NCK1: variants seen among roughly 807,000 people sequenced by gnomAD.
The protein encoded by NCK1 is SH2/SH3 adapter protein NCK1.
NCK1 carries 19 observed loss-of-function variants against 36.6 expected under a neutral mutation model. The observed-to-expected ratio is 0.52, with a 90% CI of 0.36 to 0.76. The LOEUF (loss-of-function observed/expected upper bound fraction) is 0.76. Ranked by LOEUF, NCK1 falls within the 30% of genes least tolerant of loss-of-function variation. The pLI is 0.00. For missense variants in NCK1, 358 were observed against 445.6 expected (o/e 0.80, Z 1.77); for synonymous variants, 165 against 156.0 (o/e 1.06, Z -0.43).
At chr3:136,881,374 T>A (rs1052467593) in intron 1 of NCK1, among the ~76,000 whole-genome samples, 1 of 151,944 alleles carries the variant, frequency 6.6e-6, no homozygotes, top group Non-Finnish European at 1.5e-5. Flanking sequence ...TGCACGCCAC[T>A]ACGCCCGGCT....
chr3:136,913,103 T>C (rs1173410697), intron 1 of NCK1, among the ~76,000 whole-genome samples: 2 of 152,134 alleles, frequency 1.3e-5, no homozygotes, highest in East Asian at 3.8e-4. Flanking sequence ...CGTCTTCTGA[T>C]CTTTCTCTGG....
intron 1 of NCK1, among the ~76,000 whole-genome samples, chr3:136,921,526 G>A (rs1940109166): frequency 6.6e-6 from 1 of 152,188 alleles, no homozygotes; most frequent in South Asian, 2.1e-4. Flanking sequence ...GTGCCTTTGT[G>A]ATGCTTCTTT....
At chr3:136,890,971 G>A (rs1401654988) in intron 1 of NCK1, among the ~76,000 whole-genome samples, 1 of 152,206 alleles carries the variant, frequency 6.6e-6, no homozygotes, top group Non-Finnish European at 1.5e-5. Context: ...ATGTGTAAGT[G>A]AAATAAATCA....
At chr3:136,868,959 C>T (rs561110651) in intron 1 of NCK1, among the ~76,000 whole-genome samples, 23 of 152,164 alleles carry the variant, frequency 1.5e-4, no homozygotes, top group African/African-American at 5.1e-4. Flanking sequence ...TTGTTGAGGC[C>T]GGGCGCGGTG....
chr3:136,915,792 C>T (rs1021494722), intron 1 of NCK1, among the ~76,000 whole-genome samples: 2 of 151,484 alleles, frequency 1.3e-5, no homozygotes, highest in African/African-American at 2.4e-5. Flanking sequence ...GTGGAGCCAT[C>T]TTGGCTCACT....
intron 1 of NCK1, among the ~76,000 whole-genome samples, chr3:136,879,277 T>C (rs940953620): frequency 6.6e-5 from 10 of 151,940 alleles, no homozygotes; most frequent in African/African-American, 2.4e-4. Context: ...ATAACAGAAG[T>C]ACTAGTAGAC....
chr3:136,937,595 A>G (rs746479275), intron 2 of NCK1, among the ~76,000 whole-genome samples: 2 of 152,132 alleles, frequency 1.3e-5, no homozygotes, highest in Non-Finnish European at 2.9e-5. Context: ...CTTTCCGTTT[A>G]TTTAAGTCTT....
intron 2 of NCK1, chr3:136,928,687 C>T (rs1276117388): frequency 1.3e-5 from 2 of 154,410 alleles, no homozygotes; most frequent in African/African-American, 2.4e-5. Flanking sequence ...TACATTAGCA[C>T]CTACAGAGCT....
chr3:136,872,559 G>A (rs1340124051), intron 1 of NCK1, among the ~76,000 whole-genome samples: 1 of 152,218 alleles, frequency 6.6e-6, no homozygotes, highest in East Asian at 1.9e-4. Flanking sequence ...ACAGAAATTT[G>A]CATAGGTAAT....
chr3:136,915,229 A>G (rs2108115688), intron 1 of NCK1, among the ~76,000 whole-genome samples: 1 of 152,314 alleles, frequency 6.6e-6, no homozygotes, highest in Non-Finnish European at 1.5e-5. Flanking sequence ...AGTAGTGAGA[A>G]TGGAGATACA....
chr3:136,902,896 A>G (rs574576895), intron 1 of NCK1, among the ~76,000 whole-genome samples: 17 of 152,360 alleles, frequency 1.1e-4, no homozygotes, highest in Non-Finnish European at 2.2e-4. Context: ...ATCAATATGC[A>G]TCCACCTGTG....
chr3:136,871,451 A>G lies in NCK1; in HGVS notation c.-19+9098A>G, dbSNP rs188330959. Among the ~76,000 whole-genome samples the G allele has an allele frequency of 4.0e-4, 61 of 152,296 alleles. No individual in the cohort carries two copies. In the East Asian group the frequency reaches 0.011, roughly 27 times the overall value. ...AGAAAGTATCTTTAAATGTTTATTG[A>G]AAACTGCACAAATTTAAATGTATAG... On this transcript the variant is annotated intron_variant, in intron 1 of 3. Transcript: ENST00000481752.
Position 136,936,038 on chromosome 3 carries a change from C to CT in NCK1, c.226+7829dup, listed in dbSNP as rs35254283. ...ATTCATCCCTTTTATGTCTAAATAACTTTTTTTTTTTTTTTTTTCTGAGAC... is the reference window on the plus strand; with the variant it reads ...ATTCATCCCTTTTATGTCTAAATAACTTTTTTTTTTTTTTTTTTTCTGAGAC... On this transcript the variant is annotated intron_variant, in intron 2 of 3. Coordinates refer to ENST00000481752, the MANE Select transcript of NCK1 (RefSeq NM_001291999.2). Among the ~76,000 whole-genome samples the CT allele has an allele frequency of 1.7e-3, 214 of 128,192 alleles. 1 individual carries two copies. Among genetic ancestry groups the CT allele is most frequent in the African/African-American group, 2.0e-3 (68 of 34,574 alleles). The allele number at this position is 128,192 out of a possible 152,430, so 84.1% of individuals were successfully genotyped here. A position where few individuals can be genotyped will look rare whatever the true frequency, so the allele number is the denominator to read the frequency against.
chr3:136,914,760 A>G (rs1939916772), intron 1 of NCK1, among the ~76,000 whole-genome samples: 1 of 152,166 alleles, frequency 6.6e-6, no homozygotes, highest in African/African-American at 2.4e-5. Context: ...ATCGCTTGCT[A>G]TGGTTTGAAT....
chr3:136,930,474 C>T, intron 2 of NCK1: 3 of 1,286,002 alleles, frequency 2.3e-6, no homozygotes, highest in Non-Finnish European at 3.0e-6. Context: ...TGGGAAGTTT[C>T]AGTGTTGCAG....
At chr3:136,879,170 G>A (rs1245660751) in intron 1 of NCK1, among the ~76,000 whole-genome samples, 1 of 150,886 alleles carries the variant, frequency 6.6e-6, no homozygotes, top group Non-Finnish European at 1.5e-5. Context: ...TAGAAAAGTT[G>A]AAGTTAGAGT....
chr3:136,894,010 A>G (rs1462199002), intron 1 of NCK1, among the ~76,000 whole-genome samples: 2 of 152,106 alleles, frequency 1.3e-5, no homozygotes, highest in Non-Finnish European at 2.9e-5. Flanking sequence ...TGTTTACCCT[A>G]TTAGCAAGCA....
intron 1 of NCK1, among the ~76,000 whole-genome samples, chr3:136,870,514 GT>G (rs1291709395): frequency 1.3e-5 from 2 of 151,458 alleles, no homozygotes; most frequent in African/African-American, 2.4e-5. Context: ...GGGCTGGGCA[GT>G]TTTTTTTGGA....
At chr3:136,909,200 AAG>A (rs914305321) in intron 1 of NCK1, among the ~76,000 whole-genome samples, 3 of 152,222 alleles carry the variant, frequency 2.0e-5, no homozygotes, top group South Asian at 4.2e-4. Flanking sequence ...CTAAGACAGT[AAG>A]AGAGAGGCAG....
Sources: allele counts gnomAD v4.1 joint callset (sites outside exome capture counted in the v4.1 genomes callset), GRCh38; gene constraint gnomAD v4.1.1; transcripts MANE v1.5; gene names NCBI Gene and HGNC (gene_info 2026-07-23, HGNC 2026-07-21).